Variants in ABCC4 observed in about 807,000 individuals in gnomAD.
The protein encoded by ABCC4 is ATP binding cassette subfamily C member 4 (PEL blood group).
ABCC4 carries 102 observed loss-of-function variants against 168.5 expected under a neutral mutation model. The ratio of observed to expected loss-of-function variants is 0.61; its 90% CI spans 0.52 to 0.71. ABCC4 has a LOEUF of 0.71. ABCC4 is among the 30% of genes least tolerant of loss of function. The pLI, the probability that ABCC4 is intolerant of heterozygous loss-of-function variation, is 0.00. For missense variants in ABCC4, 1,402 were observed against 1,605.8 expected, an observed-to-expected ratio of 0.87 and a Z score of 2.17; for synonymous variants, 617 against 590.7, an observed-to-expected ratio of 1.04 and a Z score of -0.65.
At chr13:95,150,706 A>T (rs1298883267) in intron 19 of ABCC4, among the ~76,000 whole-genome samples, 1 of 152,156 alleles carries the variant, frequency 6.6e-6, no homozygotes, top group African/African-American at 2.4e-5. Flanking sequence ...TTCTCCTATC[A>T]ATACTTCTAA....
At chr13:95,037,026 G>C (rs1334362336) in intron 29 of ABCC4, among the ~76,000 whole-genome samples, 1 of 139,604 alleles carries the variant, frequency 7.2e-6, no homozygotes, top group Non-Finnish European at 1.5e-5. Flanking sequence ...GGAGGATGCA[G>C]TGAGCCAAGA....
At chr13:95,083,007 A>G in intron 21 of ABCC4, 133 bp downstream of exon 21, 1 of 993,238 alleles carries the variant, frequency 1.0e-6, no homozygotes. Flanking sequence ...CATAATGGCC[A>G]ATACGTTCAA....
chr13:95,092,138 C>A (rs886725009), intron 20 of ABCC4, among the ~76,000 whole-genome samples: 1 of 152,120 alleles, frequency 6.6e-6, no homozygotes, highest in African/African-American at 2.4e-5. Context: ...ATGCACCCAA[C>A]ACTACAGCTC....
intron 20 of ABCC4, among the ~76,000 whole-genome samples, chr13:95,113,202 C>A (rs770397443): frequency 2.0e-5 from 3 of 152,152 alleles, no homozygotes; most frequent in Admixed American, 1.3e-4. Context: ...CTCCTTCCCC[C>A]CTAAAAGATC....
intron 22 of ABCC4, 114 bp downstream of exon 22, chr13:95,075,318 G>A: frequency 7.1e-7 from 1 of 1,405,102 alleles, no homozygotes; most frequent in Admixed American, 2.1e-5. Context: ...AAAAAAAGCA[G>A]GATGTGGGGC....
Position 95,188,468 on chromosome 13 carries a change from G to A in ABCC4, c.1338C>T (p.Pro446=), listed in dbSNP as rs759409909. Residue 446 remains proline, a synonymous_variant, in exon 10 of 31, where the codon CCC becomes CCT. Transcript: ENST00000645237. Reference sequence around the variant, plus strand: ...TCTAACTCACCTTCCCTGCTCCCACGGGGCCGACCACAGCTAACAATTCGC... The same window carrying A: ...TCTAACTCACCTTCCCTGCTCCCACAGGGCCGACCACAGCTAACAATTCGC... ...RPGELLAVVG[P]VGAGKSSLLS... is the part of the protein sequence containing the mutation. The A allele has an allele frequency of 2.8e-5, 45 of 1,613,904 alleles. No individual in the cohort carries two copies. Among genetic ancestry groups the A allele is most frequent in the Middle Eastern group, 1.6e-4 (1 of 6,084 alleles).
intron 19 of ABCC4, among the ~76,000 whole-genome samples, chr13:95,122,404 G>A: frequency 6.6e-6 from 1 of 152,168 alleles, no homozygotes; most frequent in Non-Finnish European, 1.5e-5. Flanking sequence ...CATACAGCAT[G>A]AAAACTTGTA....
At chr13:95,215,479 G>A (rs963419807) in intron 4 of ABCC4, among the ~76,000 whole-genome samples, 15 of 152,134 alleles carry the variant, frequency 9.9e-5, no homozygotes, top group Admixed American at 6.6e-5. Flanking sequence ...AATGGTAATG[G>A]TGCATTTTGG....
At chr13:95,232,760 A>AATGACAAGAGAT (rs2039659256) in intron 4 of ABCC4, among the ~76,000 whole-genome samples, 1 of 152,168 alleles carries the variant, frequency 6.6e-6, no homozygotes, top group African/African-American at 2.4e-5. Context: ...CAAGTTCTTT[A>AATGACAAGAGAT]GCTCTTGACA....
At chr13:95,263,783 A>T (rs1443854558) in intron 1 of ABCC4, among the ~76,000 whole-genome samples, 1 of 151,870 alleles carries the variant, frequency 6.6e-6, no homozygotes, top group Non-Finnish European at 1.5e-5. Flanking sequence ...AGATCGTGCC[A>T]CTGTACTTCA....
At chr13:95,076,000 T>C (rs186399013) in intron 21 of ABCC4, among the ~76,000 whole-genome samples, 169 of 152,314 alleles carry the variant, frequency 1.1e-3, no homozygotes, top group Non-Finnish European at 1.7e-3. Context: ...CCACCTTAAA[T>C]TGCTAATTTC....
At chr13:95,028,083 C>A (rs559669188) in intron 30 of ABCC4, among the ~76,000 whole-genome samples, 1 of 152,222 alleles carries the variant, frequency 6.6e-6, no homozygotes, top group East Asian at 1.9e-4. Flanking sequence ...GTTAAAATGG[C>A]AGGAAATATA....
intron 19 of ABCC4, among the ~76,000 whole-genome samples, chr13:95,123,458 A>G (rs2035646892): frequency 6.6e-6 from 1 of 152,074 alleles, no homozygotes; most frequent in Non-Finnish European, 1.5e-5. Context: ...CACTTCCCAG[A>G]TCCAAGCAAT....
At chr13:95,075,105 G>T in intron 22 of ABCC4, 1 of 283,030 alleles carries the variant, frequency 3.5e-6, no homozygotes, top group Admixed American at 4.8e-5. Flanking sequence ...CATCACAACA[G>T]AGACAATAAT....
chr13:95,294,054 T>C (rs1473264462), intron 1 of ABCC4, among the ~76,000 whole-genome samples: 1 of 152,056 alleles, frequency 6.6e-6, no homozygotes, highest in African/African-American at 2.4e-5. Context: ...GTGCAAATAA[T>C]GCTAGCTATT....
intron 20 of ABCC4, among the ~76,000 whole-genome samples, chr13:95,104,385 A>AT (rs879777145): frequency 6.6e-6 from 1 of 152,180 alleles, no homozygotes; most frequent in Non-Finnish European, 1.5e-5. Context: ...AAGTGCTGAG[A>AT]TTACAGGCAT....
At chr13:95,099,594 A>G (rs1277129777) in intron 20 of ABCC4, among the ~76,000 whole-genome samples, 1 of 152,208 alleles carries the variant, frequency 6.6e-6, no homozygotes, top group African/African-American at 2.4e-5. Flanking sequence ...ATACACAACC[A>G]TAACGCTAAG....
Position 95,116,011 on chromosome 13 carries a change from C to T in ABCC4, c.2456-10G>A, listed in dbSNP as rs763763589. 1.2e-6 allele frequency: 2 copies of T among 1,605,586 alleles called. No homozygotes were observed. ...CGATTTAAAATTCTTCCTGCAAGAACAGGATATGAAAAATTACTCATTTCC... is the reference window on the plus strand; with the variant it reads ...CGATTTAAAATTCTTCCTGCAAGAATAGGATATGAAAAATTACTCATTTCC... On this transcript the variant is annotated splice_polypyrimidine_tract_variant and intron_variant, in intron 19 of 30. Coordinates refer to ENST00000645237, the MANE Select transcript of ABCC4 (RefSeq NM_005845.5).
intron 13 of ABCC4, among the ~76,000 whole-genome samples, chr13:95,171,864 G>A (rs959764053): frequency 1.3e-5 from 2 of 152,090 alleles, no homozygotes; most frequent in African/African-American, 4.8e-5. Flanking sequence ...AAACTAAGTT[G>A]TTCAATCTAG....
Sources: gnomAD v4.1 joint callset for allele counts (sites outside exome capture counted in the v4.1 genomes callset) on GRCh38, gnomAD v4.1.1 for gene constraint, MANE v1.5 for transcripts, NCBI Gene and HGNC (gene_info 2026-07-23, HGNC 2026-07-21) for gene names.